The following MYL1 variants were observed in gnomAD, a reference collection of about 807,000 sequenced individuals.
MYL1 encodes the protein myosin light chain 1.
MYL1 carries 16 observed loss-of-function variants against 21.8 expected under a neutral mutation model. That is an observed-to-expected ratio of 0.74 (90% CI 0.50 to 1.12). The LOEUF is 1.12. MYL1 is among the 50% of genes most tolerant of loss of function. The pLI is 0.00. For synonymous variants in MYL1, 99 were observed against 85.2 expected (o/e 1.16, Z -0.89); for missense variants, 246 against 241.0 (o/e 1.02, Z -0.14).
intron 5 of MYL1, 138 bp from the exon 6 acceptor site, chr2:210,291,212 G>T (rs145678187): frequency 9.1e-6 from 6 of 656,920 alleles, no homozygotes; most frequent in Non-Finnish European, 1.3e-5. Flanking sequence ...TTTAAGGTGT[G>T]TATAGCTCAT....
In MYL1 at chr2:210,293,727, G is replaced by T. The variant is rs750757172; in HGVS notation, c.552C>A (p.Tyr184Ter). Residue 184 changes from tyrosine to a stop codon, truncating the protein, a stop_gained, in exon 5 of 7, where the codon TAC becomes TAA. Transcript: ENST00000352451. LOFTEE classifies it high-confidence loss of function. ...GQEDSNGCIN[Y>*]EAFVKHIMSI ...ACCAGTGAGCATTGATTCTACCTTC[G>T]TAGTTGATGCAGCCATTGGAGTCTT... 1 of 1,613,750 alleles carries T rather than the reference G, an allele frequency of 6.2e-7. No individual in the cohort carries two copies. Among genetic ancestry groups the T allele is most frequent in the Admixed American group, 1.7e-5 (1 of 60,010 alleles).
chr2:210,292,676 C>T (rs1362782304), intron 5 of MYL1, among the ~76,000 whole-genome samples: 1 of 151,798 alleles, frequency 6.6e-6, no homozygotes, highest in Admixed American at 6.6e-5. Context: ...GTTTTTGTGT[C>T]ACTGTTAGAA....
chr2:210,301,188 T>A (rs575389057), intron 2 of MYL1, among the ~76,000 whole-genome samples: 3 of 152,200 alleles, frequency 2.0e-5, no homozygotes, highest in Non-Finnish European at 4.4e-5. Flanking sequence ...GCATCACTAG[T>A]TAAAATGCAT....
chr2:210,302,726 T>C lies in MYL1; in HGVS notation c.133-211A>G, dbSNP rs1263485569. 4.5e-6 allele frequency: 7 copies of C among 1,556,424 alleles called. No individual in the cohort carries two copies. In the South Asian group the frequency reaches 5.9e-5, roughly 13 times the overall value. On this transcript the variant is annotated intron_variant, in intron 1 of 6. Transcript: ENST00000352451. ...AAGTAATATTGCAGAAACTAGGCAGTGCTGTGCCTACATCTGTAGCAGACA... is the reference window on the plus strand; with the variant it reads ...AAGTAATATTGCAGAAACTAGGCAGCGCTGTGCCTACATCTGTAGCAGACA...
intron 1 of MYL1, among the ~76,000 whole-genome samples, chr2:210,307,663 C>T (rs1343426213): frequency 2.0e-5 from 3 of 152,148 alleles, no homozygotes; most frequent in East Asian, 1.9e-4. Context: ...TTTTATGATT[C>T]GTGCTATCAA....
In MYL1 at chr2:210,315,050, T is replaced by G; in HGVS notation, c.-8A>C. 1 of 1,593,072 alleles carries G rather than the reference T, an allele frequency of 6.3e-7. No homozygotes were observed. Among genetic ancestry groups the G allele is most frequent in the Non-Finnish European group, 8.5e-7 (1 of 1,175,038 alleles). ...GTCTTTCTTTGGTGCCATTTTTTTT[T>G]TTAAAAGGGTGGGTTAAAAAGAGAA... On this transcript the variant is annotated 5_prime_UTR_variant, in exon 1 of 7. Coordinates refer to ENST00000352451, the MANE Select transcript of MYL1 (RefSeq NM_079420.3).
At chr2:210,292,826 A>G (rs1266424186) in intron 5 of MYL1, among the ~76,000 whole-genome samples, 2 of 152,184 alleles carry the variant, frequency 1.3e-5, no homozygotes, top group Non-Finnish European at 2.9e-5. Context: ...TATTTTCTAG[A>G]TGACTGTCCA....
At chr2:210,292,907 T>C (rs1690101668) in intron 5 of MYL1, among the ~76,000 whole-genome samples, 2 of 152,216 alleles carry the variant, frequency 1.3e-5, no homozygotes, top group African/African-American at 2.4e-5. Flanking sequence ...ATGTGAAGAA[T>C]TGTCGACGGG....
chr2:210,304,866 A>G lies in MYL1; in HGVS notation c.133-2351T>C, dbSNP rs547708297. 7.2e-5 allele frequency among the ~76,000 whole-genome samples: 11 copies of G among 152,334 alleles called. No homozygotes were observed. In the East Asian group the frequency reaches 2.1e-3, roughly 29 times the overall value. ...GTATTTTAGAATTTTAAAGGTATCT[A>G]GGGGATTGGCCAGCAATGGGTTTTC... On this transcript the variant is annotated intron_variant, in intron 1 of 6. Coordinates refer to ENST00000352451, the MANE Select transcript of MYL1 (RefSeq NM_079420.3).
At position 210,298,087 on chromosome 2, in the gene MYL1, C is replaced by T. The variant is rs143817309; in HGVS notation, c.304+333G>A. 4.6e-4 allele frequency among the ~76,000 whole-genome samples: 70 copies of T among 151,964 alleles called. No homozygotes were observed. The East Asian group carries it at 6.6e-3, about 14-fold the overall frequency. Reference sequence around the variant, plus strand: ...ACATTAGCCTTTAATTATGAACATTCGAAATGATATTAGCATTAGGTATTA... The same window carrying T: ...ACATTAGCCTTTAATTATGAACATTTGAAATGATATTAGCATTAGGTATTA... On this transcript the variant is annotated intron_variant, in intron 3 of 6. Transcript: ENST00000352451.
intron 2 of MYL1, among the ~76,000 whole-genome samples, chr2:210,299,683 G>A (rs1395885613): frequency 1.3e-5 from 2 of 151,930 alleles, no homozygotes; most frequent in Admixed American, 6.6e-5. Flanking sequence ...AGACAGAAAG[G>A]GTGTCTTTGG....
rs950829175 is a variant in MYL1 at position 210,315,015 on chromosome 2, G to A, written c.28C>T (p.Pro10Ser). The change falls in exon 1 of 7, where the codon CCT becomes TCT. Residue 10 changes from proline to serine, a missense_variant. Transcript: ENST00000352451. ...GGGGCAGCCGCAGCCGCAGCCACAG[G>A]TTTCTTCACGTCTTTCTTTGGTGCC... Reference protein sequence around the residue: MAPKKDVKKPVAAAAAAPAP... With the variant: MAPKKDVKKSVAAAAAAPAP... 5 of 1,602,494 alleles carry A rather than the reference G, an allele frequency of 3.1e-6. No homozygotes were observed. Among genetic ancestry groups the A allele is most frequent in the African/African-American group, 1.4e-5 (1 of 73,674 alleles).
intron 5 of MYL1, among the ~76,000 whole-genome samples, chr2:210,291,994 C>T (rs1282471003): frequency 6.6e-6 from 1 of 152,186 alleles, no homozygotes; most frequent in Admixed American, 6.5e-5. Flanking sequence ...ACACCCTCTC[C>T]TCAGCCCAAA....
chr2:210,305,159 C>T (rs534223455), intron 1 of MYL1, among the ~76,000 whole-genome samples: 1 of 152,268 alleles, frequency 6.6e-6, no homozygotes, highest in Admixed American at 6.5e-5. Flanking sequence ...GTAACTTCTC[C>T]TGAAACCATT....
At chr2:210,300,205 G>A (rs1690243149) in intron 2 of MYL1, among the ~76,000 whole-genome samples, 2 of 152,138 alleles carry the variant, frequency 1.3e-5, no homozygotes, top group South Asian at 2.1e-4. Context: ...GTCAGATGCC[G>A]AAGTAGAAAT....
chr2:210,302,146 T>C (rs1690273093), intron 2 of MYL1, among the ~76,000 whole-genome samples: 1 of 152,188 alleles, frequency 6.6e-6, no homozygotes, highest in Non-Finnish European at 1.5e-5. Flanking sequence ...TTAAGGATTA[T>C]ATTAGCAATT....
chr2:210,298,995 A>C (rs1182311316), intron 2 of MYL1, among the ~76,000 whole-genome samples: 1 of 152,172 alleles, frequency 6.6e-6, no homozygotes, highest in African/African-American at 2.4e-5. Flanking sequence ...AAACTTTTCA[A>C]ATTATGTAGA....
intron 3 of MYL1, among the ~76,000 whole-genome samples, chr2:210,296,878 T>C (rs1690181382): frequency 6.6e-6 from 1 of 152,104 alleles, no homozygotes; most frequent in Non-Finnish European, 1.5e-5. Flanking sequence ...AGTGAGAACA[T>C]GTAGACTTAT....
intron 1 of MYL1, among the ~76,000 whole-genome samples, chr2:210,314,679 G>A (rs1440296710): frequency 6.6e-6 from 1 of 152,230 alleles, no homozygotes; most frequent in East Asian, 1.9e-4. Context: ...ATGGAAACTT[G>A]AGAATAAAAA....
Sources: gnomAD v4.1 joint callset for allele counts (sites outside exome capture counted in the v4.1 genomes callset) on GRCh38, gnomAD v4.1.1 for gene constraint, MANE v1.5 for transcripts, NCBI Gene and HGNC (gene_info 2026-07-23, HGNC 2026-07-21) for gene names.